NT5C2: variants seen among roughly 807,000 people sequenced by gnomAD.
NT5C2 encodes cytosolic purine 5'-nucleotidase.
A neutral mutation model predicts 76.1 loss-of-function variants in NT5C2; 58 were observed. The observed-to-expected ratio is 0.76, with a 90% CI of 0.62 to 0.95. NT5C2 has a LOEUF of 0.95. NT5C2 is among the 40% of genes least tolerant of loss of function. NT5C2 has a pLI of 0.00. For synonymous variants in NT5C2, 229 were observed against 237.4 expected (o/e 0.96, Z 0.32); for missense variants, 478 against 690.3 (o/e 0.69, Z 3.45).
In NT5C2 at chr10:103,118,937, A is replaced by C. The variant is rs79269886; in HGVS notation, c.176-12231T>G. Among the ~76,000 whole-genome samples the C allele has an allele frequency of 4.0e-3, 610 of 151,502 alleles. 19 individuals are homozygous for C. The East Asian group carries it at 0.072, about 18-fold the overall frequency. Reference sequence around the variant, plus strand: ...TGTGGGGGAGGGCAAGAGTCCAAAAACTCTTAAGAAAAAAGATCACTAAGG... The same window carrying C: ...TGTGGGGGAGGGCAAGAGTCCAAAACCTCTTAAGAAAAAAGATCACTAAGG... On this transcript the variant is annotated intron_variant, in intron 4 of 18. Coordinates refer to ENST00000404739, the MANE Select transcript of NT5C2 (RefSeq NM_001351169.2).
chr10:103,186,125 T>A (rs543454712), intron 1 of NT5C2, among the ~76,000 whole-genome samples: 1 of 152,342 alleles, frequency 6.6e-6, no homozygotes, highest in Non-Finnish European at 1.5e-5. Context: ...ATACTGTGGT[T>A]AAGAGTACGG....
At chr10:103,105,849 A>G (rs762617763) in intron 5 of NT5C2, 48 bp from the exon 6 acceptor site, 2 of 1,294,528 alleles carry the variant, frequency 1.5e-6, no homozygotes, top group East Asian at 2.3e-5. Flanking sequence ...AATACAGGCA[A>G]TAATTTTATG....
intron 9 of NT5C2, 39 bp from the exon 10 acceptor site, chr10:103,099,023 A>G (rs2068885737): frequency 8.6e-6 from 13 of 1,509,892 alleles, no homozygotes; most frequent in Admixed American, 1.8e-5. Flanking sequence ...AAAAGAACAA[A>G]ATCAGTTTTT....
At chr10:103,169,891 C>G (rs1486493644) in intron 3 of NT5C2, among the ~76,000 whole-genome samples, 1 of 152,082 alleles carries the variant, frequency 6.6e-6, no homozygotes, top group Non-Finnish European at 1.5e-5. Flanking sequence ...CTTTGGGAGG[C>G]TGAGGCAGGC....
chr10:103,125,396 C>A, intron 4 of NT5C2: 1 of 277,134 alleles, frequency 3.6e-6, no homozygotes, highest in Non-Finnish European at 6.9e-6. Flanking sequence ...GGGCATCAGC[C>A]AAGTCGTTCA....
At chr10:103,141,385 G>A (rs959858107) in intron 3 of NT5C2, among the ~76,000 whole-genome samples, 3 of 152,096 alleles carry the variant, frequency 2.0e-5, no homozygotes, top group Non-Finnish European at 2.9e-5. Context: ...TTGAGTCTAC[G>A]AGATCAAGGC....
chr10:103,139,433 C>A lies in NT5C2; in HGVS notation c.148G>T (p.Gly50Cys). The A allele has an allele frequency of 1.3e-6, 2 of 1,583,294 alleles. No homozygotes were observed. Among genetic ancestry groups the A allele is most frequent in the Admixed American group, 1.7e-5 (1 of 57,840 alleles). Reference protein sequence around the residue: ...SLAMEKIKCFGFDMDYTLAVY... With the variant: ...SLAMEKIKCFCFDMDYTLAVY... The stretch of plus-strand genomic sequence containing the variant: ...GCAAGGGTATAATCCATATCAAAAC[C>A]AAAACACTTTATCTTTTCCATTGCT... Residue 50 changes from glycine (G) to cysteine (C), a missense_variant, in exon 4 of 19, where the codon GGT becomes TGT. By Grantham distance (159) the Gly-to-Cys change is radical (BLOSUM62 -3). Coordinates refer to ENST00000404739, the MANE Select transcript of NT5C2 (RefSeq NM_001351169.2).
intron 14 of NT5C2, chr10:103,093,713 C>G (rs555620713): frequency 2.4e-5 from 11 of 463,526 alleles, no homozygotes; most frequent in African/African-American, 2.1e-4. Context: ...CCAAGTGATT[C>G]GAAGCACTGA....
intron 2 of NT5C2, among the ~76,000 whole-genome samples, chr10:103,178,939 C>CT (rs1554837744): frequency 2.9e-4 from 34 of 117,118 alleles, no homozygotes; most frequent in African/African-American, 1.9e-4. Context: ...TCTACGTTTT[C>CT]TTTTTTCTTT....
chr10:103,105,677 G>T (rs375238594), intron 6 of NT5C2, 29 bp downstream of exon 6: 2 of 1,396,662 alleles, frequency 1.4e-6, no homozygotes, highest in African/African-American at 2.8e-5. Context: ...TTTAACATTA[G>T]AAAGAGGCTA....
chr10:103,192,868 G>C (rs3087681), intron 1 of NT5C2, among the ~76,000 whole-genome samples: 15 of 152,070 alleles, frequency 9.9e-5, no homozygotes, highest in African/African-American at 7.2e-5. Flanking sequence ...GTGAGGAAAG[G>C]GGGGAAGAGG....
At chr10:103,182,960 GTAGT>G (rs2091343263) in intron 1 of NT5C2, among the ~76,000 whole-genome samples, 1 of 151,996 alleles carries the variant, frequency 6.6e-6, no homozygotes, top group Non-Finnish European at 1.5e-5. Flanking sequence ...ATAACCTATA[GTAGT>G]TAGACATTTG....
At chr10:103,156,229 A>C (rs2083349729) in intron 3 of NT5C2, among the ~76,000 whole-genome samples, 1 of 152,152 alleles carries the variant, frequency 6.6e-6, no homozygotes, top group African/African-American at 2.4e-5. Flanking sequence ...ATACTGCTGT[A>C]ATCTAGGACA....
chr10:103,130,030 G>A (rs1161581338), intron 4 of NT5C2, among the ~76,000 whole-genome samples: 25 of 151,582 alleles, frequency 1.6e-4, no homozygotes, highest in East Asian at 3.9e-4. Context: ...CCCTCTGCCC[G>A]GCCACCACCC....
intron 3 of NT5C2, among the ~76,000 whole-genome samples, chr10:103,154,113 C>T (rs7067970): frequency 0.41 from 62,243 of 151,822 alleles, 12,960 homozygotes; most frequent in East Asian, 0.55. Context: ...TCCTGCCTCC[C>T]GACCAATATA....
intron 1 of NT5C2, among the ~76,000 whole-genome samples, chr10:103,187,537 G>A (rs776671996): frequency 7.0e-6 from 1 of 142,488 alleles, no homozygotes; most frequent in Non-Finnish European, 1.5e-5. Flanking sequence ...GGGGGGCAGA[G>A]TGAGAATCCA....
chr10:103,099,142 A>C (rs1157792817), intron 9 of NT5C2, among the ~76,000 whole-genome samples, 158 bp from the exon 10 acceptor site: 11 of 152,188 alleles, frequency 7.2e-5, no homozygotes. Context: ...GTACAATCTC[A>C]GCTCACTGCA....
chr10:103,166,542 G>A (rs1473772705), intron 3 of NT5C2, among the ~76,000 whole-genome samples: 2 of 152,154 alleles, frequency 1.3e-5, no homozygotes, highest in African/African-American at 4.8e-5. Flanking sequence ...TTTCTTACCA[G>A]TCCCTAAATT....
At chr10:103,135,068 C>A (rs191215978) in intron 4 of NT5C2, among the ~76,000 whole-genome samples, 19 of 152,344 alleles carry the variant, frequency 1.2e-4, no homozygotes, top group African/African-American at 4.3e-4. Context: ...GCAGAAGGGA[C>A]TTGCCTTGTT....
Sources: allele counts gnomAD v4.1 joint callset (sites outside exome capture counted in the v4.1 genomes callset), GRCh38; gene constraint gnomAD v4.1.1; transcripts MANE v1.5; gene names NCBI Gene and HGNC (gene_info 2026-07-23, HGNC 2026-07-21).